YWHAZ: variants seen among roughly 807,000 people sequenced by gnomAD.
YWHAZ encodes the protein 14-3-3 protein zeta/delta.
For missense variants in YWHAZ, 79 were observed against 284.8 expected, an observed-to-expected ratio of 0.28 and a Z score of 5.20; for synonymous variants, 87 against 103.6, an observed-to-expected ratio of 0.84 and a Z score of 0.97.
In YWHAZ at chr8:100,916,877, G is replaced by A. The variant is rs945884128; in HGVS notation, c.*3816C>T. The A allele has an allele frequency of 3.4e-5, 5 of 147,790 alleles. No homozygotes were observed. The highest frequency in any genetic ancestry group is 1.2e-4 in the African/African-American group (5 of 41,228). 9.2% of individuals were successfully genotyped at this position (147,790 alleles called of 1,614,324 possible). A position where few individuals can be genotyped will look rare whatever the true frequency, so the allele number is the denominator to read the frequency against. On this transcript the variant is annotated 3_prime_UTR_variant, in exon 6 of 6. Transcript: ENST00000395958. ...TGTGACTACTACCAGTCACATAAAA[G>A]TATTTAATTAGTTTCACACTTAGAA...
intron 2 of YWHAZ, among the ~76,000 whole-genome samples, chr8:100,928,419 CAA>C (rs1279737859): frequency 2.0e-5 from 3 of 151,874 alleles, no homozygotes; most frequent in Non-Finnish European, 2.9e-5. Flanking sequence ...CACTGTAGCT[CAA>C]AAAAAGCTAA....
At chr8:100,945,251 G>T (rs1810183100) in intron 2 of YWHAZ, among the ~76,000 whole-genome samples, 1 of 152,170 alleles carries the variant, frequency 6.6e-6, no homozygotes, top group Non-Finnish European at 1.5e-5. Context: ...ATTTACTCTT[G>T]TAATATGCAA....
At chr8:100,952,085 C>G, upstream of YWHAZ, 1 of 987,240 alleles carries the variant, frequency 1.0e-6, no homozygotes, top group Middle Eastern at 5.2e-4. Flanking sequence ...CAATCACCAG[C>G]CCCGGCAGCA....
intron 2 of YWHAZ, among the ~76,000 whole-genome samples, chr8:100,928,670 T>C (rs1195768783): frequency 1.3e-5 from 2 of 150,600 alleles, no homozygotes; most frequent in Non-Finnish European, 3.0e-5. Flanking sequence ...GAGGCAGAGG[T>C]TGCAGTGAGC....
Position 100,925,185 on chromosome 8 carries a change from C to T in YWHAZ, c.295-146G>A, listed in dbSNP as rs1813276215. ...AATACAATTGTGAATGCAGCTGGCA[C>T]ATGAATTTGTGGTTTAAAGCAGAAT... is the stretch of plus-strand genomic sequence containing the variant. On this transcript the variant is annotated intron_variant, in intron 2 of 5. Coordinates refer to ENST00000395958, the MANE Select transcript of YWHAZ (RefSeq NM_145690.3). 6 of 865,154 alleles carry T rather than the reference C, an allele frequency of 6.9e-6. No homozygotes were observed. The South Asian group carries it at 1.0e-4, about 14-fold the overall frequency. 53.6% of individuals were successfully genotyped at this position (865,154 alleles called of 1,614,324 possible).
At chr8:100,947,962 G>A (rs999302109) in intron 2 of YWHAZ, 1 of 630,216 alleles carries the variant, frequency 1.6e-6, no homozygotes, top group Admixed American at 3.6e-5. Flanking sequence ...ATTCTTTTAA[G>A]CGCAGTGCTT....
chr8:100,949,571 C>T (rs1810554270), intron 1 of YWHAZ, among the ~76,000 whole-genome samples: 1 of 152,126 alleles, frequency 6.6e-6, no homozygotes, highest in Non-Finnish European at 1.5e-5. Flanking sequence ...CCTAATGTCT[C>T]AACTCTTTAT....
At chr8:100,934,983 G>A (rs553809998) in intron 2 of YWHAZ, 4 of 151,390 alleles carry the variant, frequency 2.6e-5, no homozygotes, top group South Asian at 2.1e-4. Flanking sequence ...GTGACACCCC[G>A]TCTCTACTGG....
In YWHAZ at chr8:100,924,267, T is replaced by C. The variant is rs1306428179; in HGVS notation, c.450A>G (p.Gln150=). 1.9e-6 allele frequency: 3 copies of C among 1,613,798 alleles called. No homozygotes were observed. Among genetic ancestry groups the C allele is most frequent in the Non-Finnish European group, 2.5e-6 (3 of 1,179,992 alleles). Residue 150 remains glutamine (Q), a synonymous_variant, in exon 4 of 6, where the codon CAA becomes CAG. Coordinates refer to ENST00000395958, the MANE Select transcript of YWHAZ (RefSeq NM_145690.3). This position sits in a 1 kb window ranked among gnomAD's most constrained non-coding sequence, Gnocchi z 5.7. ...CCTTTTTGCTGATTTCAAAAGCTTC[T>C]TGGTATGCTTGTTGTGACTGATCGA... ...GIVDQSQQAY[Q]EAFEISKKEM...
intron 2 of YWHAZ, among the ~76,000 whole-genome samples, chr8:100,938,203 C>A (rs1814308137): frequency 6.6e-6 from 1 of 152,022 alleles, no homozygotes; most frequent in Non-Finnish European, 1.5e-5. Flanking sequence ...AACTCCTCAT[C>A]CCCCCCTACA....
rs1810766667 is a variant in YWHAZ at position 100,951,425 on chromosome 8, G to A, written c.-12+504C>T. The A allele has an allele frequency of 3.1e-6, 3 of 981,458 alleles. 1 individual carries two copies. The highest frequency in any genetic ancestry group is 3.6e-6 in the Non-Finnish European group (3 of 826,680). 60.8% of individuals were successfully genotyped at this position (981,458 alleles called of 1,614,324 possible). On this transcript the variant is annotated intron_variant, in intron 1 of 5. Transcript: ENST00000395958. Reference sequence around the variant, plus strand: ...GCGAGGGGGAGGGAAAGGAGGGGGCGGCCGAGGGAGAGGGGAGGGGGCGGC... The same window carrying A: ...GCGAGGGGGAGGGAAAGGAGGGGGCAGCCGAGGGAGAGGGGAGGGGGCGGC...
intron 2 of YWHAZ, among the ~76,000 whole-genome samples, chr8:100,937,470 T>G (rs982359676): frequency 6.6e-6 from 1 of 152,188 alleles, no homozygotes; most frequent in Non-Finnish European, 1.5e-5. Flanking sequence ...CAAAGATAAT[T>G]AGACATCGAG....
intron 2 of YWHAZ, among the ~76,000 whole-genome samples, chr8:100,930,233 G>C (rs1813672393): frequency 6.6e-6 from 1 of 152,142 alleles, no homozygotes; most frequent in Non-Finnish European, 1.5e-5. Context: ...CGAGTAGCCG[G>C]GACTGCAGGC....
rs917399745 is a variant in YWHAZ, at chr8:100,951,937, G to C, written c.-20C>G. 2.0e-6 allele frequency: 2 copies of C among 1,000,848 alleles called. No individual in the cohort carries two copies. Among genetic ancestry groups the C allele is most frequent in the African/African-American group, 3.5e-5 (2 of 57,456 alleles). 62.0% of individuals were successfully genotyped at this position (1,000,848 alleles called of 1,614,324 possible). A position where few individuals can be genotyped will look rare whatever the true frequency, so the allele number is the denominator to read the frequency against. Reference sequence around the variant, plus strand: ...GCGGCCGGGTTCCTCACCTGTGTCCGGAGTGGGTGGTGGCGGCGGACGGAC... The same window carrying C: ...GCGGCCGGGTTCCTCACCTGTGTCCCGAGTGGGTGGTGGCGGCGGACGGAC... On this transcript the variant is annotated 5_prime_UTR_variant, in exon 1 of 6. Transcript: ENST00000395958.
At chr8:100,936,552 A>G (rs112598505) in intron 2 of YWHAZ, among the ~76,000 whole-genome samples, 2,084 of 152,202 alleles carry the variant, frequency 0.014, 19 homozygotes, top group Middle Eastern at 0.027. Context: ...ACGGTGGCTC[A>G]CTCCTTGGGA....
Position 100,924,115 on chromosome 8 carries a change from G to C in YWHAZ, c.582+20C>G, listed in dbSNP as rs201232234. 7 of 1,608,608 alleles carry C rather than the reference G, an allele frequency of 4.4e-6. No individual in the cohort carries two copies. The highest frequency in any genetic ancestry group is 5.9e-6 in the Non-Finnish European group (7 of 1,178,036). On this transcript the variant is annotated intron_variant, in intron 4 of 5. Coordinates refer to ENST00000395958, the MANE Select transcript of YWHAZ (RefSeq NM_145690.3). This position sits in a 1 kb window ranked among gnomAD's most constrained non-coding sequence, Gnocchi z 5.7. ...ATAATAAAGACTGCTAAATTTCTAC[G>C]TAACAGGTAAAATACATACTGTCTT...
chr8:100,923,724 A>G, intron 5 of YWHAZ: 1 of 364,018 alleles, frequency 2.7e-6, no homozygotes, highest in East Asian at 4.5e-5. Flanking sequence ...AAATTTTAAC[A>G]AGACAGGTAA....
intron 2 of YWHAZ, among the ~76,000 whole-genome samples, chr8:100,942,663 T>C (rs1199677787): frequency 6.6e-6 from 1 of 152,120 alleles, no homozygotes; most frequent in Non-Finnish European, 1.5e-5. Flanking sequence ...GCAGAAACCC[T>C]CAGGCCATAA....
chr8:100,940,097 A>T (rs2130282084), intron 2 of YWHAZ, among the ~76,000 whole-genome samples: 1 of 146,886 alleles, frequency 6.8e-6, no homozygotes, highest in Non-Finnish European at 1.5e-5. Flanking sequence ...ACTAACAAGT[A>T]TCAAAAAGAA....
Sources: gnomAD v4.1 joint callset for allele counts (sites outside exome capture counted in the v4.1 genomes callset) on GRCh38, gnomAD v4.1.1 for gene constraint, Gnocchi (gnomAD v3.1) non-coding constraint, MANE v1.5 for transcripts, NCBI Gene and HGNC (gene_info 2026-07-23, HGNC 2026-07-21) for gene names.